Variants in NR6A1 observed in about 807,000 individuals in gnomAD.
The protein encoded by NR6A1 is nuclear receptor subfamily 6 group A member 1.
A neutral mutation model predicts 59.1 loss-of-function variants in NR6A1; 7 were observed. That is an observed-to-expected ratio of 0.12 (90% CI 0.07 to 0.22). The LOEUF (loss-of-function observed/expected upper bound fraction) is 0.22. Ranked by LOEUF, NR6A1 falls within the 10% of genes least tolerant of loss-of-function variation. The pLI is 1.00. For synonymous variants in NR6A1, 243 were observed against 236.1 expected (o/e 1.03, Z -0.27); for missense variants, 468 against 611.6 (o/e 0.77, Z 2.48).
chr9:124,700,754 CTTTTTTTTTTTT>C (rs35704226), intron 2 of NR6A1, among the ~76,000 whole-genome samples: 1 of 91,274 alleles, frequency 1.1e-5, no homozygotes, highest in African/African-American at 5.3e-5. Context: ...TTTACATAGC[CTTTTTTTTTTTT>C]TTTTTTTTTT....
intron 2 of NR6A1, among the ~76,000 whole-genome samples, chr9:124,610,320 A>G (rs1325472919): frequency 1.3e-5 from 2 of 152,190 alleles, no homozygotes; most frequent in South Asian, 4.1e-4. Flanking sequence ...AGGGATGTTG[A>G]ATTTTATAGA....
intron 2 of NR6A1, among the ~76,000 whole-genome samples, chr9:124,718,190 C>T (rs1051204012): frequency 2.0e-5 from 3 of 152,176 alleles, no homozygotes; most frequent in Non-Finnish European, 4.4e-5. Context: ...TACCATGCAC[C>T]CATGCATTTC....
chr9:124,678,663 C>T (rs929346364), intron 2 of NR6A1, among the ~76,000 whole-genome samples: 1 of 152,190 alleles, frequency 6.6e-6, no homozygotes, highest in African/African-American at 2.4e-5. Context: ...CCCTCACTTC[C>T]AAATCCTGGA....
At chr9:124,544,764 C>T (rs1833548938) in intron 3 of NR6A1, among the ~76,000 whole-genome samples, 1 of 152,142 alleles carries the variant, frequency 6.6e-6, no homozygotes, top group Non-Finnish European at 1.5e-5. Context: ...GGTGGAAAGG[C>T]CAATTGGGCC....
At chr9:124,610,088 TATTTCTTTCTCTTGACTG>T (rs1835696137) in intron 2 of NR6A1, among the ~76,000 whole-genome samples, 1 of 152,236 alleles carries the variant, frequency 6.6e-6, no homozygotes. Context: ...TGAATACCTT[TATTTCTTTCTCTTGACTG>T]ATTTCCTGGC....
intron 7 of NR6A1, among the ~76,000 whole-genome samples, chr9:124,528,932 A>T (rs190842059): frequency 7.9e-5 from 12 of 152,354 alleles, no homozygotes; most frequent in Admixed American, 2.6e-4. Flanking sequence ...TTTTATATGA[A>T]GGACTTGAAC....
intron 2 of NR6A1, chr9:124,595,812 A>C: frequency 7.8e-7 from 1 of 1,289,802 alleles, no homozygotes; most frequent in African/African-American, 1.5e-5. Context: ...AGCCATGAAG[A>C]AACAGAGATT....
At chr9:124,630,338 C>CCTGAGTAGCTAGTAG (rs757959389) in intron 2 of NR6A1, among the ~76,000 whole-genome samples, 113 of 151,150 alleles carry the variant, frequency 7.5e-4, no homozygotes, top group Non-Finnish European at 1.4e-3. Context: ...GTCTCAGCCT[C>CCTGAGTAGCTAGTAG]CTGAGTAGCT....
intron 2 of NR6A1, among the ~76,000 whole-genome samples, chr9:124,595,239 C>A (rs1835236794): frequency 6.6e-6 from 1 of 152,098 alleles, no homozygotes; most frequent in South Asian, 2.1e-4. Flanking sequence ...AAGAAATTAG[C>A]AATGGCTTAG....
intron 2 of NR6A1, among the ~76,000 whole-genome samples, chr9:124,596,923 A>C (rs1231271070): frequency 6.6e-6 from 1 of 152,246 alleles, no homozygotes; most frequent in Non-Finnish European, 1.5e-5. Context: ...AATGCTTTTT[A>C]ACTGTGTAAA....
chr9:124,621,468 G>A (rs1836071020), intron 2 of NR6A1, among the ~76,000 whole-genome samples: 1 of 142,618 alleles, frequency 7.0e-6, no homozygotes, highest in Admixed American at 7.4e-5. Context: ...GAAACACAGT[G>A]AGACCCAATA....
chr9:124,745,861 C>T (rs1281261407), intron 1 of NR6A1, among the ~76,000 whole-genome samples: 2 of 149,618 alleles, frequency 1.3e-5, no homozygotes, highest in Non-Finnish European at 3.0e-5. Flanking sequence ...CATGCCTGTG[C>T]AATTCTCCCT....
At chr9:124,720,670 G>T (rs961937614) in intron 2 of NR6A1, among the ~76,000 whole-genome samples, 7 of 152,128 alleles carry the variant, frequency 4.6e-5, no homozygotes, top group African/African-American at 1.7e-4. Flanking sequence ...GTAGCTTCAG[G>T]TAAAGAGGCA....
At position 124,768,896 on chromosome 9, in the gene NR6A1, AG is replaced by A. The variant is rs1841020615; in HGVS notation, c.100+2123del. Among the ~76,000 whole-genome samples the A allele has an allele frequency of 1.3e-5, 2 of 152,360 alleles. 1 individual carries two copies. Among genetic ancestry groups the A allele is most frequent in the African/African-American group, 4.8e-5 (2 of 41,590 alleles). On this transcript the variant is annotated intron_variant, in intron 1 of 9. Transcript: ENST00000487099. ...CTACATTATATGCACAGGTGGGTAC[AG>A]GAAGTATTCACACATAGGAAGGCAT...
chr9:124,719,162 C>T (rs1228441890), intron 2 of NR6A1, among the ~76,000 whole-genome samples: 1 of 151,122 alleles, frequency 6.6e-6, no homozygotes, highest in Admixed American at 6.6e-5. Context: ...TGCAGTGGTG[C>T]GATCACAACT....
intron 2 of NR6A1, among the ~76,000 whole-genome samples, chr9:124,630,074 T>A (rs1836379040): frequency 6.6e-6 from 1 of 152,160 alleles, no homozygotes. Flanking sequence ...AAATGACAGT[T>A]CCAGATCAAA....
At chr9:124,634,875 C>A (rs1178300500) in intron 2 of NR6A1, among the ~76,000 whole-genome samples, 1 of 152,084 alleles carries the variant, frequency 6.6e-6, no homozygotes, top group Admixed American at 6.5e-5. Context: ...TACATTCACA[C>A]CAAAATTAAA....
intron 2 of NR6A1, among the ~76,000 whole-genome samples, chr9:124,702,290 A>G (rs910162236): frequency 6.6e-6 from 1 of 152,194 alleles, no homozygotes; most frequent in Non-Finnish European, 1.5e-5. Flanking sequence ...TGTCTAGTGT[A>G]AAATAGAGTC....
intron 2 of NR6A1, among the ~76,000 whole-genome samples, chr9:124,722,586 C>T (rs982134254): frequency 2.0e-5 from 3 of 152,128 alleles, no homozygotes; most frequent in Non-Finnish European, 4.4e-5. Context: ...AGAGCAAGTT[C>T]GTGGTGCCAG....
Sources: gnomAD v4.1 joint callset for allele counts (sites outside exome capture counted in the v4.1 genomes callset) on GRCh38, gnomAD v4.1.1 for gene constraint, MANE v1.5 for transcripts, NCBI Gene and HGNC (gene_info 2026-07-23, HGNC 2026-07-21) for gene names.